ATP9A: variants seen among roughly 807,000 people sequenced by gnomAD.
The protein encoded by ATP9A is probable phospholipid-transporting ATPase IIA.
In ATP9A, 52 loss-of-function variants were observed where a neutral mutation model predicts 144.1. That is an observed-to-expected ratio of 0.36 (90% CI 0.29 to 0.45). The LOEUF (loss-of-function observed/expected upper bound fraction) is 0.45, where lower values mean the gene tolerates loss of function less well. Among genes scored for constraint, ATP9A ranks in the 20% least tolerant of loss-of-function variants. The probability of loss-of-function intolerance (pLI) is 1.00; values close to 1 mark genes in which losing one functional copy is unlikely to be tolerated. For synonymous variants in ATP9A, 582 were observed against 557.4 expected (o/e 1.04, Z -0.62); for missense variants, 947 against 1,392.7 (o/e 0.68, Z 5.09).
At chr20:51,658,888 C>CGGGGGG (rs11477336) in intron 13 of ATP9A, among the ~76,000 whole-genome samples, 8 of 54,848 alleles carry the variant, frequency 1.5e-4, no homozygotes, top group African/African-American at 5.0e-4. Flanking sequence ...AGACCACTGG[C>CGGGGGG]GGGGGGGGGG....
chr20:51,719,784 C>T (rs911318209), intron 3 of ATP9A, among the ~76,000 whole-genome samples: 45 of 126,376 alleles, frequency 3.6e-4, no homozygotes, highest in African/African-American at 1.4e-3. Context: ...CAGTGGCTCA[C>T]GCCTATAATC....
At chr20:51,634,542 T>C (rs528930876) in intron 15 of ATP9A, among the ~76,000 whole-genome samples, 3 of 152,212 alleles carry the variant, frequency 2.0e-5, no homozygotes, top group East Asian at 1.9e-4. Context: ...AAAGAACCTA[T>C]TGGCCTCTGG....
At chr20:51,633,111 G>A (rs1260647903) in intron 15 of ATP9A, among the ~76,000 whole-genome samples, 1 of 152,100 alleles carries the variant, frequency 6.6e-6, no homozygotes, top group Non-Finnish European at 1.5e-5. Flanking sequence ...ATGACAGAGT[G>A]AGACTCCATC....
rs1452559224 is a variant in ATP9A at position 51,629,229 on chromosome 20, T to G, written c.1669-157A>C. Reference sequence around the variant, plus strand: ...ATGAAAAGCGAGAAGGGGCCTCATTTAGGGGCAAAGGCTACAGAAAGTAAA... The same window carrying G: ...ATGAAAAGCGAGAAGGGGCCTCATTGAGGGGCAAAGGCTACAGAAAGTAAA... On this transcript the variant is annotated intron_variant, in intron 15 of 27. Coordinates refer to ENST00000338821, the MANE Select transcript of ATP9A (RefSeq NM_006045.3). Among the ~76,000 whole-genome samples, 3 of 152,232 alleles carry G rather than the reference T, an allele frequency of 2.0e-5. No individual in the cohort carries two copies. In the East Asian group the frequency reaches 5.8e-4, roughly 29 times the overall value.
At chr20:51,738,689 G>A (rs907646682) in intron 1 of ATP9A, among the ~76,000 whole-genome samples, 5 of 151,692 alleles carry the variant, frequency 3.3e-5, no homozygotes, top group East Asian at 2.0e-4. Flanking sequence ...CAGTCTGGGC[G>A]ACAGAGCAAG....
chr20:51,727,897 C>T (rs2077722317), intron 2 of ATP9A, among the ~76,000 whole-genome samples: 1 of 149,674 alleles, frequency 6.7e-6, no homozygotes, highest in Non-Finnish European at 1.5e-5. Flanking sequence ...CGCCATTGTG[C>T]ACCAGCCTGG....
At chr20:51,678,314 C>T (rs1000529840) in intron 9 of ATP9A, among the ~76,000 whole-genome samples, 2 of 152,116 alleles carry the variant, frequency 1.3e-5, no homozygotes, top group African/African-American at 2.4e-5. Flanking sequence ...CTCTCTCCCC[C>T]TCACTCTCAG....
intron 1 of ATP9A, among the ~76,000 whole-genome samples, chr20:51,741,881 G>A (rs1187455342): frequency 3.9e-5 from 6 of 152,256 alleles, no homozygotes; most frequent in Non-Finnish European, 7.4e-5. Context: ...AGGATGCTGC[G>A]AGACACCTTA....
At chr20:51,661,309 T>C (rs895857611) in intron 13 of ATP9A, among the ~76,000 whole-genome samples, 3 of 152,008 alleles carry the variant, frequency 2.0e-5, no homozygotes, top group African/African-American at 4.8e-5. Flanking sequence ...CTTCACCACA[T>C]ATGGGCATTC....
intron 4 of ATP9A, among the ~76,000 whole-genome samples, chr20:51,700,659 C>CA (rs760650654): frequency 6.6e-6 from 1 of 152,118 alleles, no homozygotes; most frequent in Non-Finnish European, 1.5e-5. Context: ...GGAGAAACTC[C>CA]ATCTCTACTA....
At chr20:51,615,073 T>TGGGGTGGGGG (rs1244791367) in intron 22 of ATP9A, among the ~76,000 whole-genome samples, 1 of 5,178 alleles carries the variant, frequency 1.9e-4, no homozygotes, top group African/African-American at 5.6e-4. Context: ...CGATGTTACA[T>TGGGGTGGGGG]GGGGTGGGGG....
At chr20:51,762,911 G>C (rs985963845) in intron 1 of ATP9A, among the ~76,000 whole-genome samples, 44 of 151,580 alleles carry the variant, frequency 2.9e-4, no homozygotes, top group African/African-American at 1.0e-3. Context: ...GTAGAGACAG[G>C]GTTTCACTAT....
chr20:51,719,745 AGGG>A (rs377547496), intron 3 of ATP9A, among the ~76,000 whole-genome samples: 9,618 of 137,436 alleles, frequency 0.07, 782 homozygotes, highest in African/African-American at 0.19. Context: ...AAAAAAAAAA[AGGG>A]GGGGGAAGAA....
At chr20:51,658,403 A>G (rs1032073242) in intron 13 of ATP9A, among the ~76,000 whole-genome samples, 1 of 151,826 alleles carries the variant, frequency 6.6e-6, no homozygotes, top group Non-Finnish European at 1.5e-5. Context: ...CATGCTCCAC[A>G]CTGAGCCCCA....
At chr20:51,685,346 GTC>G (rs1364019831) in intron 9 of ATP9A, among the ~76,000 whole-genome samples, 7 of 152,096 alleles carry the variant, frequency 4.6e-5, no homozygotes, top group Admixed American at 3.9e-4. Flanking sequence ...GGATCATGAG[GTC>G]AGGAGTTTGA....
chr20:51,671,059 C>T, intron 12 of ATP9A, 56 bp downstream of exon 12: 1 of 1,587,518 alleles, frequency 6.3e-7, no homozygotes, highest in Non-Finnish European at 8.6e-7. Context: ...TCAGCCAAAG[C>T]CCTCAGGCAT....
At chr20:51,743,694 T>C (rs62226754) in intron 1 of ATP9A, among the ~76,000 whole-genome samples, 129,615 of 145,944 alleles carry the variant, frequency 0.89, 57,633 homozygotes, top group African/African-American at 0.92. Context: ...TGAGCCACCG[T>C]GCCCAGCCCA....
At chr20:51,667,886 G>A (rs964871136) in intron 13 of ATP9A, among the ~76,000 whole-genome samples, 3 of 151,392 alleles carry the variant, frequency 2.0e-5, no homozygotes, top group South Asian at 2.1e-4. Flanking sequence ...GTGAGACCTC[G>A]TCTCTATAAA....
intron 9 of ATP9A, among the ~76,000 whole-genome samples, chr20:51,681,995 T>C (rs746337961): frequency 6.6e-6 from 1 of 151,464 alleles, no homozygotes; most frequent in African/African-American, 2.4e-5. Flanking sequence ...TAGAAGGGAG[T>C]GGAGGGAGCT....
Sources: allele counts gnomAD v4.1 joint callset (sites outside exome capture counted in the v4.1 genomes callset), GRCh38; gene constraint gnomAD v4.1.1; transcripts MANE v1.5; gene names NCBI Gene and HGNC (gene_info 2026-07-23, HGNC 2026-07-21).